The following CD81 variants were observed in gnomAD, a reference collection of about 807,000 sequenced individuals.
CD81 encodes CD81 molecule.
Under a neutral mutation model 30.1 loss-of-function variants are expected in CD81, and 10 were observed. The ratio of observed to expected loss-of-function variants is 0.33; its 90% CI spans 0.21 to 0.56. The LOEUF (loss-of-function observed/expected upper bound fraction) is 0.56, where lower values mean the gene tolerates loss of function less well. CD81 is among the 20% of genes least tolerant of loss of function. The pLI is 0.89. For missense variants in CD81, 263 were observed against 308.7 expected (o/e 0.85, Z 1.11); for synonymous variants, 147 against 126.4 (o/e 1.16, Z -1.10).
In CD81 at chr11:2,385,989, A is replaced by G. The variant is rs1482122140; in HGVS notation, c.67-4423A>G. Reference sequence around the variant, plus strand: ...TAAGCAGCAGTTTTACATAACTGCCAAACTGTTATTCAAGGTGGCTGGACC... The same window carrying G: ...TAAGCAGCAGTTTTACATAACTGCCGAACTGTTATTCAAGGTGGCTGGACC... On this transcript the variant is annotated intron_variant, in intron 1 of 7. Transcript: ENST00000263645. 17 of 707,526 alleles carry G rather than the reference A, an allele frequency of 2.4e-5. No homozygotes were observed. The Admixed American group carries it at 3.2e-4, about 13-fold the overall frequency. 43.8% of individuals were successfully genotyped at this position (707,526 alleles called of 1,614,324 possible). A position where few individuals can be genotyped will look rare whatever the true frequency, so the allele number is the denominator to read the frequency against.
intron 2 of CD81, chr11:2,393,266 C>A (rs2074241): frequency 0.1 from 15,946 of 152,648 alleles, 2,389 homozygotes; most frequent in African/African-American, 0.34. Context: ...AGCTGTCCCG[C>A]GGGTACAGGG....
chr11:2,397,054 TGTAG>T lies in CD81; in HGVS notation c.*191_*194del. On this transcript the variant is annotated 3_prime_UTR_variant, in exon 8 of 8. Coordinates refer to ENST00000263645, the MANE Select transcript of CD81 (RefSeq NM_004356.4). Reference sequence around the variant, plus strand: ...TTACCTTTTCAGGGCTGACGTCACATGTAGGTGGCGTGTATGAGTGGAGACGGGC... The same window carrying T: ...TTACCTTTTCAGGGCTGACGTCACATGTGGCGTGTATGAGTGGAGACGGGC... 2 of 649,030 alleles carry T rather than the reference TGTAG, an allele frequency of 3.1e-6. No individual in the cohort carries two copies. The highest frequency in any genetic ancestry group is 5.5e-6 in the Non-Finnish European group (2 of 363,208). The allele number at this position is 649,030 out of a possible 1,614,324, so 40.2% of individuals were successfully genotyped here.
At position 2,380,622 on chromosome 11, in the gene CD81, G is replaced by A. The variant is rs138855561; in HGVS notation, c.66+3007G>A. Among the ~76,000 whole-genome samples the A allele has an allele frequency of 7.9e-3, 1,203 of 152,268 alleles. 19 individuals are homozygous for A. Among genetic ancestry groups the A allele is most frequent in the Non-Finnish European group, 0.011 (742 of 68,002 alleles). ...ATTGCAGATGCCCTGGCCAAGCAGCGTGGAAATCCTGTCCCTTGGGTGGGT... is the reference window on the plus strand; with the variant it reads ...ATTGCAGATGCCCTGGCCAAGCAGCATGGAAATCCTGTCCCTTGGGTGGGT... On this transcript the variant is annotated intron_variant, in intron 1 of 7. Transcript: ENST00000263645.
In CD81 at chr11:2,395,635, G is replaced by A. The variant is rs566156538; in HGVS notation, c.459+115G>A. Reference sequence around the variant, plus strand: ...ACCTCAGGAGCAGGAGGTGCCCTTGGGACCTCCAGGACCCCTGGTCTCAAC... The same window carrying A: ...ACCTCAGGAGCAGGAGGTGCCCTTGAGACCTCCAGGACCCCTGGTCTCAAC... On this transcript the variant is annotated intron_variant, in intron 5 of 7. Coordinates refer to ENST00000263645, the MANE Select transcript of CD81 (RefSeq NM_004356.4). The A allele has an allele frequency of 8.3e-5, 70 of 845,396 alleles. 1 individual carries two copies. The South Asian group carries it at 9.4e-4, about 11-fold the overall frequency. 52.4% of individuals were successfully genotyped at this position (845,396 alleles called of 1,614,324 possible). A position where few individuals can be genotyped will look rare whatever the true frequency, so the allele number is the denominator to read the frequency against.
At position 2,395,413 on chromosome 11, in the gene CD81, C is replaced by T. The variant is rs966389659; in HGVS notation, c.355-3C>T. On this transcript the variant is annotated splice_polypyrimidine_tract_variant and splice_region_variant and intron_variant, in intron 4 of 7. Coordinates refer to ENST00000263645, the MANE Select transcript of CD81 (RefSeq NM_004356.4). ...TGTGCATGTGACCGCACCCCTCCCC[C>T]AGATCGCCAAGGATGTGAAGCAGTT... 6.2e-7 allele frequency: 1 copy of T among 1,611,028 alleles called. No individual in the cohort carries two copies. The highest frequency in any genetic ancestry group is 8.5e-7 in the Non-Finnish European group (1 of 1,178,376).
intron 2 of CD81, chr11:2,391,482 G>C (rs1035608728): frequency 6.6e-6 from 1 of 152,276 alleles, no homozygotes; most frequent in Non-Finnish European, 1.5e-5. Context: ...CCCAGGGCCA[G>C]GTGAGGGCCC....
intron 1 of CD81, chr11:2,386,253 A>G: frequency 1.5e-6 from 1 of 687,202 alleles, no homozygotes; most frequent in Non-Finnish European, 2.7e-6. Context: ...TTGGGTTGCC[A>G]GTTTTCTTGC....
At chr11:2,385,042 C>T (rs564097988) in intron 1 of CD81, among the ~76,000 whole-genome samples, 14 of 152,196 alleles carry the variant, frequency 9.2e-5, no homozygotes, top group Admixed American at 5.2e-4. Context: ...GACGCGGCTT[C>T]GGTGTTTCCC....
intron 3 of CD81, 98 bp downstream of exon 3, chr11:2,394,290 T>C (rs541321225): frequency 1.6e-4 from 123 of 784,032 alleles, no homozygotes; most frequent in Middle Eastern, 3.7e-4. Flanking sequence ...GGGCGGAGCC[T>C]AGAATTCTGG....
chr11:2,390,180 A>G (rs1347366832), intron 1 of CD81: 3 of 627,504 alleles, frequency 4.8e-6, no homozygotes, highest in South Asian at 3.5e-5. Flanking sequence ...GTCACACTCC[A>G]CAGGTGCAGG....
intron 1 of CD81, chr11:2,390,009 A>C: frequency 2.8e-6 from 1 of 353,398 alleles, no homozygotes; most frequent in Non-Finnish European, 5.6e-6. Context: ...GTGAAACTAC[A>C]GGGCATCCAA....
intron 1 of CD81, among the ~76,000 whole-genome samples, chr11:2,389,391 TG>T (rs1228223937): frequency 2.0e-5 from 3 of 152,100 alleles, no homozygotes; most frequent in Non-Finnish European, 4.4e-5. Flanking sequence ...ACCAGAGGGC[TG>T]GGCACTGCCC....
At position 2,394,486 on chromosome 11, in the gene CD81, T is replaced by C. The variant is rs937731365; in HGVS notation, c.279+294T>C. Among the ~76,000 whole-genome samples, 2 of 152,154 alleles carry C rather than the reference T, an allele frequency of 1.3e-5. 1 individual carries two copies. Among genetic ancestry groups the C allele is most frequent in the Non-Finnish European group, 2.9e-5 (2 of 68,018 alleles). On this transcript the variant is annotated intron_variant, in intron 3 of 7. Transcript: ENST00000263645. ...GGCGTCCCGGGCACACCGCCCCCTG[T>C]GGGAAGCCCAGGCCTGGCTGTGCCA...
At position 2,390,461 on chromosome 11, in the gene CD81, C is replaced by T; in HGVS notation, c.116C>T (p.Pro39Leu). 4 of 1,612,950 alleles carry T rather than the reference C, an allele frequency of 2.5e-6. No individual in the cohort carries two copies. Among genetic ancestry groups the T allele is most frequent in the Non-Finnish European group, 3.4e-6 (4 of 1,179,994 alleles). Residue 39 changes from proline (P) to leucine (L), a missense_variant, in exon 2 of 8, where the codon CCG (proline) becomes CTG (leucine). Coordinates refer to ENST00000263645, the MANE Select transcript of CD81 (RefSeq NM_004356.4). ...GTGGCCCTGTGGCTCCGCCATGACC[C>T]GCAGACCACCAACCTCCTGTATCTG... ...LGVALWLRHD[P>L]QTTNLLYLEL...
At chr11:2,385,482 C>T (rs538183424) in intron 1 of CD81, among the ~76,000 whole-genome samples, 28 of 143,610 alleles carry the variant, frequency 1.9e-4, no homozygotes, top group Non-Finnish European at 2.9e-4. Context: ...TACCCAGAGG[C>T]GCACCCGTGC....
chr11:2,395,472 T>C lies in CD81; in HGVS notation c.411T>C (p.Asp137=), dbSNP rs772886745. The part of the protein sequence containing the change: ...YDQALQQAVV[D]DDANNAKAVV... ...AGGCCCTACAGCAGGCCGTGGTGGA[T>C]GATGACGCCAACAACGCCAAGGCTG... Residue 137 remains aspartate, a synonymous_variant, in exon 5 of 8, where the codon GAT becomes GAC. Transcript: ENST00000263645. 92 of 1,612,620 alleles carry C rather than the reference T, an allele frequency of 5.7e-5. No individual in the cohort carries two copies. The highest frequency in any genetic ancestry group is 7.8e-5 in the Non-Finnish European group (92 of 1,179,900).
At chr11:2,386,738 G>C (rs1335805922) in intron 1 of CD81, 1 of 679,330 alleles carries the variant, frequency 1.5e-6, no homozygotes, top group Non-Finnish European at 2.7e-6. Context: ...CAGTTGAGGT[G>C]GACAGGCTGG....
intron 1 of CD81, among the ~76,000 whole-genome samples, chr11:2,382,843 C>T (rs980180026): frequency 6.6e-6 from 1 of 152,214 alleles, no homozygotes; most frequent in Non-Finnish European, 1.5e-5. Flanking sequence ...CAGTCCTGAT[C>T]CTGGAGCTCC....
At chr11:2,393,960 G>T in intron 2 of CD81, 135 bp from the exon 3 acceptor site, 1 of 736,370 alleles carries the variant, frequency 1.4e-6, no homozygotes, top group Non-Finnish European at 2.5e-6. Context: ...GTCCCTTGCT[G>T]CTCATCCCTG....
Sources: allele counts gnomAD v4.1 joint callset (sites outside exome capture counted in the v4.1 genomes callset), GRCh38; gene constraint gnomAD v4.1.1; transcripts MANE v1.5; gene names NCBI Gene and HGNC (gene_info 2026-07-23, HGNC 2026-07-21).